Variants in CDC42BPG observed in about 807,000 individuals in gnomAD.
CDC42BPG encodes serine/threonine-protein kinase MRCK gamma.
CDC42BPG carries 157 observed loss-of-function variants against 192.2 expected under a neutral mutation model. The ratio of observed to expected loss-of-function variants is 0.82; its 90% CI spans 0.72 to 0.93. The LOEUF (loss-of-function observed/expected upper bound fraction) is 0.93, where lower values mean the gene tolerates loss of function less well. CDC42BPG is among the 40% of genes least tolerant of loss of function. The pLI, the probability that CDC42BPG is intolerant of heterozygous loss-of-function variation, is 0.00. For missense variants in CDC42BPG, 1,992 were observed against 2,122.1 expected (o/e 0.94, Z 1.20); for synonymous variants, 981 against 918.5 (o/e 1.07, Z -1.23).
At position 64,831,598 on chromosome 11, in the gene CDC42BPG, C is replaced by T. The variant is rs760248646; in HGVS notation, c.3211G>A (p.Ala1071Thr). ...TACACGGGCCGGGGTCTTGGCCGCG[C>T]GTCCAGCAGCAGCCGCTGCAGCTCA... ...LGELQRLLLD[A>T]RPRPRPVYTL... The change falls in exon 28 of 37, where the codon GCG becomes ACG. Residue 1071 changes from alanine (A) to threonine (T), a missense_variant. Coordinates refer to ENST00000342711, the MANE Select transcript of CDC42BPG (RefSeq NM_017525.3). The T allele has an allele frequency of 1.9e-5, 30 of 1,611,934 alleles. No homozygotes were observed. Among genetic ancestry groups the T allele is most frequent in the African/African-American group, 2.7e-5 (2 of 74,942 alleles).
chr11:64,830,291 G>A, intron 28 of CDC42BPG, 35 bp from the exon 29 acceptor site: 2 of 1,549,980 alleles, frequency 1.3e-6, no homozygotes, highest in South Asian at 1.2e-5. Context: ...GAGGTCAGCA[G>A]TCCCACTCAA....
In CDC42BPG at chr11:64,834,533, C is replaced by G. The variant is rs761088778; in HGVS notation, c.2220G>C (p.Ser740=). The G allele has an allele frequency of 6.3e-7, 1 of 1,586,332 alleles. No individual in the cohort carries two copies. The highest frequency in any genetic ancestry group is 1.3e-5 in the African/African-American group (1 of 74,318). Reference sequence around the variant, plus strand: ...GCGCTGACTGCAGCTCCAGCCTGGCCGAGGCCTCCATCTTCTGCAGTCGCC... The same window carrying G: ...GCGCTGACTGCAGCTCCAGCCTGGCGGAGGCCTCCATCTTCTGCAGTCGCC... ...KARRLQKMEA[S]ARLELQSALE... The change falls in exon 19 of 37, where the codon TCG becomes TCC. Residue 740 remains serine, a synonymous_variant. Coordinates refer to ENST00000342711, the MANE Select transcript of CDC42BPG (RefSeq NM_017525.3).
chr11:64,839,289 T>C (rs1391573443), intron 6 of CDC42BPG, 56 bp from the exon 7 acceptor site: 1 of 1,598,918 alleles, frequency 6.3e-7, no homozygotes, highest in Admixed American at 1.7e-5. Context: ...CTGGGACTGC[T>C]GGCTCCTCGC....
intron 4 of CDC42BPG, 90 bp downstream of exon 4, chr11:64,840,463 G>A: frequency 7.0e-7 from 1 of 1,438,322 alleles, no homozygotes. Context: ...TCCCAAGAGG[G>A]GTCTCTCTTT....
At chr11:64,839,430 T>C in intron 6 of CDC42BPG, 48 bp downstream of exon 6, 1 of 835,918 alleles carries the variant, frequency 1.2e-6, no homozygotes, top group Non-Finnish European at 1.9e-6. Context: ...TCCTGAGAGC[T>C]TGGCCCGCCT....
In CDC42BPG at chr11:64,824,061, T is replaced by C. The variant is rs1475889201; in HGVS notation, c.*412A>G. On this transcript the variant is annotated 3_prime_UTR_variant, in exon 37 of 37. Transcript: ENST00000342711. ...AGCAGAGACGGGGACATGCCCCATC[T>C]TGGCCTCAGCTGGGAGTCAGACAGT... The C allele has an allele frequency of 4.8e-5, 11 of 227,700 alleles. No individual in the cohort carries two copies. The East Asian group carries it at 1.4e-3, about 29-fold the overall frequency. The allele number at this position is 227,700 out of a possible 1,614,324, so 14.1% of individuals were successfully genotyped here.
chr11:64,830,596 C>T (rs1942639489), intron 28 of CDC42BPG: 1 of 403,990 alleles, frequency 2.5e-6, no homozygotes, highest in Non-Finnish European at 4.6e-6. Flanking sequence ...CAGCAGAGCC[C>T]CTTGCTCAAT....
chr11:64,836,871 A>G lies in CDC42BPG; in HGVS notation c.1303+51T>C, dbSNP rs1028820759. On this transcript the variant is annotated intron_variant, in intron 10 of 36. Transcript: ENST00000342711. ...GAGTCCACTCCTCCATTCCCGCAGCAGCAGCCCCTAGGGCCAGCACACCCA... is the reference window on the plus strand; with the variant it reads ...GAGTCCACTCCTCCATTCCCGCAGCGGCAGCCCCTAGGGCCAGCACACCCA... The G allele has an allele frequency of 4.3e-6, 7 of 1,609,816 alleles. No individual in the cohort carries two copies. In the African/African-American group the frequency reaches 8.0e-5, roughly 18 times the overall value.
At position 64,826,572 on chromosome 11, in the gene CDC42BPG, C is replaced by G; in HGVS notation, c.4514-17G>C. Reference sequence around the variant, plus strand: ...TCCTCTTCACTGCTCCAGCAGCAGACGAGGAGACAAAAATACCAAGATCAG... The same window carrying G: ...TCCTCTTCACTGCTCCAGCAGCAGAGGAGGAGACAAAAATACCAAGATCAG... On this transcript the variant is annotated splice_polypyrimidine_tract_variant and intron_variant, in intron 35 of 36. Coordinates refer to ENST00000342711, the MANE Select transcript of CDC42BPG (RefSeq NM_017525.3). 6.3e-7 allele frequency: 1 copy of G among 1,593,056 alleles called. No homozygotes were observed. The highest frequency in any genetic ancestry group is 8.5e-7 in the Non-Finnish European group (1 of 1,171,296).
Position 64,835,770 on chromosome 11 carries a change from G to T in CDC42BPG, c.1750C>A (p.Gln584Lys). 6.2e-7 allele frequency: 1 copy of T among 1,613,522 alleles called. No homozygotes were observed. Among genetic ancestry groups the T allele is most frequent in the Non-Finnish European group, 8.5e-7 (1 of 1,179,946 alleles). Residue 584 changes from glutamine (Q) to lysine (K), a missense_variant, in exon 14 of 37, where the codon CAG becomes AAG. Physicochemically the swap from Gln to Lys is moderately conservative, Grantham distance 53 (BLOSUM62 1). Transcript: ENST00000342711. ...GGGGAGGACTTGACTACCTTGGCCT[G>T]GGACGACTCCTCAAGGCGTTGCTCC... The part of the protein sequence containing the change: ...QWEQRLEESS[Q>K]AKTIHTASET...
Position 64,827,294 on chromosome 11 carries a change from G to C in CDC42BPG, c.4255C>G (p.Gln1419Glu). Residue 1419 changes from glutamine to glutamate, a missense_variant, in exon 33 of 37, where the codon CAG (glutamine) becomes GAG (glutamate). Transcript: ENST00000342711. ...RFFFRVSEEQ[Q>E]KQQRREMLKD... ...CACGCGCACCTGCGCTGCTGCTTCT[G>C]CTGCTCCTCCGACACGCGGAAAAAG... 6.2e-7 allele frequency: 1 copy of C among 1,613,906 alleles called. No homozygotes were observed.
At position 64,833,768 on chromosome 11, in the gene CDC42BPG, C is replaced by T; in HGVS notation, c.2535G>A (p.Arg845=). 1.2e-6 allele frequency: 2 copies of T among 1,614,212 alleles called. No homozygotes were observed. Among genetic ancestry groups the T allele is most frequent in the South Asian group, 1.1e-5 (1 of 91,090 alleles). ...TGCGCAGGCTGCGTCGGCCCTCCGG[C>T]CTCAGATCTGGCTCTCCTCCATGCC... The part of the protein sequence containing the change: ...ATRHGGEPDL[R]PEGRRSLRMG... Residue 845 remains arginine (R), a synonymous_variant, in exon 22 of 37, where the codon AGG becomes AGA. Coordinates refer to ENST00000342711, the MANE Select transcript of CDC42BPG (RefSeq NM_017525.3).
At chr11:64,831,477 C>T (rs1321883183) in intron 28 of CDC42BPG, 28 bp downstream of exon 28, 2 of 1,584,920 alleles carry the variant, frequency 1.3e-6, no homozygotes, top group Non-Finnish European at 1.7e-6. Context: ...GCCTGAACTG[C>T]TTCCTCCAGT....
intron 18 of CDC42BPG, 103 bp from the exon 19 acceptor site, chr11:64,834,680 T>C: frequency 1.4e-6 from 2 of 1,425,690 alleles, no homozygotes; most frequent in Non-Finnish European, 1.9e-6. Flanking sequence ...CCAGCCAGGC[T>C]CAAAGCTCCA....
chr11:64,833,388 T>A, intron 23 of CDC42BPG, 52 bp from the exon 24 acceptor site: 3 of 1,079,622 alleles, frequency 2.8e-6, no homozygotes, highest in Non-Finnish European at 4.0e-6. Context: ...CCATGCCCCA[T>A]CCCTGAGGGG....
chr11:64,844,393 G>GCCGCC lies in CDC42BPG; in HGVS notation c.160+12_160+16dup. 1 of 1,398,852 alleles carries GCCGCC rather than the reference G, an allele frequency of 7.1e-7. No homozygotes were observed. Among genetic ancestry groups the GCCGCC allele is most frequent in the Non-Finnish European group, 9.3e-7 (1 of 1,078,252 alleles). 86.7% of individuals were successfully genotyped at this position (1,398,852 alleles called of 1,614,324 possible). ...ATCCCTAGGCCCGCCCCCGCTCCGT[G>GCCGCC]CCGCCCCGCCACTCACCCCAGCTCA... On this transcript the variant is annotated intron_variant, in intron 1 of 36. Coordinates refer to ENST00000342711, the MANE Select transcript of CDC42BPG (RefSeq NM_017525.3).
chr11:64,838,703 G>A lies in CDC42BPG; in HGVS notation c.1076C>T (p.Pro359Leu), dbSNP rs889393108. The stretch of plus-strand genomic sequence containing the variant: ...CACATCAAAGTTGGAGGTGTCCATG[G>A]GCCCCCGCAGCTCAGGAATATAGGG... The part of the protein sequence containing the change: ...TAPYIPELRG[P>L]MDTSNFDVDD... The change falls in exon 8 of 37, where the codon CCC (proline) becomes CTC (leucine). Residue 359 changes from proline (P) to leucine (L), a missense_variant. Pro to Leu is a moderately conservative substitution (Grantham distance 98). Coordinates refer to ENST00000342711, the MANE Select transcript of CDC42BPG (RefSeq NM_017525.3). The A allele has an allele frequency of 6.2e-7, 1 of 1,613,210 alleles. No homozygotes were observed. Among genetic ancestry groups the A allele is most frequent in the East Asian group, 2.2e-5 (1 of 44,886 alleles).
In CDC42BPG at chr11:64,836,719, G is replaced by GGGGGGGGGGGGC; in HGVS notation, c.1384+19_1384+20insGCCCCCCCCCCC. The GGGGGGGGGGGGC allele has an allele frequency of 3.6e-6, 3 of 842,262 alleles. No homozygotes were observed. Among genetic ancestry groups the GGGGGGGGGGGGC allele is most frequent in the Non-Finnish European group, 5.2e-6 (3 of 582,314 alleles). The allele number at this position is 842,262 out of a possible 1,614,324, so 52.2% of individuals were successfully genotyped here. Reference sequence around the variant, plus strand: ...GGGACTCAGCCCTGGGGGGGGGGGGGGGGTGGGCGGAAGGGATACCTGGCA... The same window carrying GGGGGGGGGGGGC: ...GGGACTCAGCCCTGGGGGGGGGGGGGGGGGGGGGGGGCGGGTGGGCGGAAGGGATACCTGGCA... On this transcript the variant is annotated intron_variant, in intron 11 of 36. Transcript: ENST00000342711.
chr11:64,832,295 G>A, intron 27 of CDC42BPG, 133 bp downstream of exon 27: 1 of 929,180 alleles, frequency 1.1e-6, no homozygotes, highest in Admixed American at 2.0e-5. Flanking sequence ...ACCGGGCCAG[G>A]TGCTCACGTG....
Sources: gnomAD v4.1 joint callset for allele counts on GRCh38, gnomAD v4.1.1 for gene constraint, MANE v1.5 for transcripts, NCBI Gene and HGNC (gene_info 2026-07-23, HGNC 2026-07-21) for gene names.